Variants in SMYD3 observed in about 807,000 individuals in gnomAD.
SMYD3 encodes SET and MYND domain containing 3.
Under a neutral mutation model 57.7 loss-of-function variants are expected in SMYD3, and 36 were observed. The ratio of observed to expected loss-of-function variants is 0.62; its 90% CI spans 0.48 to 0.82. The LOEUF (loss-of-function observed/expected upper bound fraction) is 0.82. Ranked by LOEUF, SMYD3 falls within the 40% of genes least tolerant of loss-of-function variation. SMYD3 has a pLI of 0.00. For missense variants in SMYD3, 515 were observed against 538.8 expected (o/e 0.96, Z 0.44); for synonymous variants, 211 against 195.0 (o/e 1.08, Z -0.68).
intron 5 of SMYD3, among the ~76,000 whole-genome samples, chr1:246,133,997 T>C (rs558882636): frequency 2.0e-5 from 3 of 152,256 alleles, no homozygotes; most frequent in Non-Finnish European, 4.4e-5. Context: ...AAGTGCATTG[T>C]ATCTGGACCA....
chr1:245,899,356 G>A (rs1036879505), intron 8 of SMYD3, among the ~76,000 whole-genome samples: 8 of 152,058 alleles, frequency 5.3e-5, no homozygotes, highest in Non-Finnish European at 8.8e-5. Flanking sequence ...TGAAAAATTA[G>A]TTGCAAACTA....
chr1:246,152,951 C>T (rs1370467078), intron 5 of SMYD3, among the ~76,000 whole-genome samples: 1 of 152,160 alleles, frequency 6.6e-6, no homozygotes, highest in Non-Finnish European at 1.5e-5. Flanking sequence ...TGTTTTATAA[C>T]ACTAGGCTGC....
intron 5 of SMYD3, among the ~76,000 whole-genome samples, chr1:246,228,439 C>T (rs546708871): frequency 1.1e-4 from 16 of 152,238 alleles, no homozygotes; most frequent in African/African-American, 2.6e-4. Flanking sequence ...TACTCCTACC[C>T]GAGGCTCCAA....
chr1:245,927,044 C>A (rs1161161911), intron 7 of SMYD3, among the ~76,000 whole-genome samples: 1 of 152,188 alleles, frequency 6.6e-6, no homozygotes, highest in Non-Finnish European at 1.5e-5. Context: ...AAATATGGTA[C>A]CTCTGAGTTG....
intron 1 of SMYD3, among the ~76,000 whole-genome samples, chr1:246,375,325 C>CTT (rs60882470): frequency 1.1e-4 from 7 of 62,246 alleles, no homozygotes; most frequent in African/African-American, 2.3e-4. Context: ...TAATGAGAGA[C>CTT]TTTTTTTTTT....
At chr1:245,795,678 G>A (rs949549758) in intron 10 of SMYD3, among the ~76,000 whole-genome samples, 2 of 151,974 alleles carry the variant, frequency 1.3e-5, no homozygotes, top group South Asian at 2.1e-4. Flanking sequence ...CTCATGCCAC[G>A]GGCCCATGCG....
intron 5 of SMYD3, among the ~76,000 whole-genome samples, chr1:246,291,718 G>T (rs1189100117): frequency 1.3e-5 from 2 of 152,130 alleles, no homozygotes; most frequent in African/African-American, 4.8e-5. Context: ...AACATGCCAG[G>T]TATTCAGTAT....
intron 8 of SMYD3, among the ~76,000 whole-genome samples, chr1:245,878,021 A>C (rs1044368519): frequency 6.6e-6 from 1 of 152,114 alleles, no homozygotes; most frequent in African/African-American, 2.4e-5. Context: ...TCCCAGGAGG[A>C]GGAAGGAAGG....
intron 8 of SMYD3, among the ~76,000 whole-genome samples, chr1:245,881,466 T>G (rs1441647272): frequency 2.0e-5 from 3 of 152,160 alleles, no homozygotes; most frequent in Non-Finnish European, 4.4e-5. Flanking sequence ...GTTTTATGAG[T>G]AAAAGTCATT....
At position 246,403,050 on chromosome 1, in the gene SMYD3, AC is replaced by A. The variant is rs548663147; in HGVS notation, c.165-47957del. 2.5e-3 allele frequency among the ~76,000 whole-genome samples: 388 copies of A among 152,320 alleles called. 1 individual carries two copies. The highest frequency in any genetic ancestry group is 9.1e-3 in the African/African-American group (378 of 41,576). On this transcript the variant is annotated intron_variant, in intron 1 of 11. Coordinates refer to ENST00000490107, the MANE Select transcript of SMYD3 (RefSeq NM_001167740.2). ...TGTCCATTAAGAGTCACCATTAAAA[AC>A]AAACAAAACTCATATGGCAAACTTC...
intron 10 of SMYD3, among the ~76,000 whole-genome samples, chr1:245,821,938 C>T (rs1167183787): frequency 6.6e-6 from 1 of 151,602 alleles, no homozygotes; most frequent in African/African-American, 2.4e-5. Context: ...AACACTTTTA[C>T]ACTGTTGGTG....
At chr1:246,291,649 A>T (rs1279599778) in intron 5 of SMYD3, among the ~76,000 whole-genome samples, 1 of 152,220 alleles carries the variant, frequency 6.6e-6, no homozygotes, top group African/African-American at 2.4e-5. Flanking sequence ...ATATGTCTGG[A>T]CCTATGTTCA....
intron 10 of SMYD3, among the ~76,000 whole-genome samples, chr1:245,785,833 G>A (rs922903231): frequency 2.8e-4 from 42 of 152,174 alleles, no homozygotes; most frequent in African/African-American, 1.0e-3. Flanking sequence ...CAAGTAGCTA[G>A]GACTACAGGT....
chr1:246,073,174 G>C (rs903390351), intron 5 of SMYD3, among the ~76,000 whole-genome samples: 1 of 152,082 alleles, frequency 6.6e-6, no homozygotes, highest in African/African-American at 2.4e-5. Context: ...TCTGTTCATA[G>C]CTATAATAGC....
chr1:246,154,931 A>G (rs546551260), intron 5 of SMYD3, among the ~76,000 whole-genome samples: 15 of 151,876 alleles, frequency 9.9e-5, no homozygotes, highest in African/African-American at 3.4e-4. Flanking sequence ...ACAGGCGCCT[A>G]CCACCACGCC....
intron 5 of SMYD3, among the ~76,000 whole-genome samples, chr1:246,086,797 A>G (rs2060729621): frequency 6.6e-6 from 1 of 152,030 alleles, no homozygotes; most frequent in African/African-American, 2.4e-5. Flanking sequence ...AATGTGTGCC[A>G]TGGTGGTTTG....
intron 10 of SMYD3, among the ~76,000 whole-genome samples, chr1:245,787,012 T>G (rs1430643486): frequency 6.6e-6 from 1 of 152,236 alleles, no homozygotes; most frequent in Non-Finnish European, 1.5e-5. Flanking sequence ...ACCAAGTTGA[T>G]GGAGTAATAT....
At chr1:246,449,365 A>G (rs2067597991) in intron 1 of SMYD3, among the ~76,000 whole-genome samples, 1 of 152,186 alleles carries the variant, frequency 6.6e-6, no homozygotes, top group African/African-American at 2.4e-5. Flanking sequence ...GATTGTACTC[A>G]TTTGGGTAGA....
chr1:245,769,283 C>G (rs774490902), intron 10 of SMYD3, among the ~76,000 whole-genome samples: 1 of 152,222 alleles, frequency 6.6e-6, no homozygotes, highest in East Asian at 1.9e-4. Flanking sequence ...CAACTAGACA[C>G]TAAGTGCCAT....
Sources: allele counts gnomAD v4.1 joint callset (sites outside exome capture counted in the v4.1 genomes callset), GRCh38; gene constraint gnomAD v4.1.1; transcripts MANE v1.5; gene names NCBI Gene and HGNC (gene_info 2026-07-23, HGNC 2026-07-21).